Variants in MCU observed in about 807,000 individuals in gnomAD.
MCU encodes the protein calcium uniporter protein, mitochondrial.
A neutral mutation model predicts 45.2 loss-of-function variants in MCU; 12 were observed. That is an observed-to-expected ratio of 0.27 (90% CI 0.17 to 0.43). The LOEUF (loss-of-function observed/expected upper bound fraction) is 0.43. Ranked by LOEUF, MCU falls within the 20% of genes least tolerant of loss-of-function variation. The pLI, the probability that MCU is intolerant of heterozygous loss-of-function variation, is 1.00. For synonymous variants in MCU, 160 were observed against 165.1 expected, an observed-to-expected ratio of 0.97 and a Z score of 0.24; for missense variants, 324 against 436.7, an observed-to-expected ratio of 0.74 and a Z score of 2.30.
At chr10:72,705,740 C>T (rs1228206122) in intron 1 of MCU, among the ~76,000 whole-genome samples, 1 of 151,786 alleles carries the variant, frequency 6.6e-6, no homozygotes, top group African/African-American at 2.4e-5. Flanking sequence ...ATCATTTGAA[C>T]CCAGAGGTGA....
At chr10:72,801,353 CTT>C (rs200952818) in intron 1 of MCU, among the ~76,000 whole-genome samples, 87 of 100,356 alleles carry the variant, frequency 8.7e-4, no homozygotes, top group Admixed American at 1.6e-3. Flanking sequence ...ATAATGCTTT[CTT>C]TTTTTTTTTT....
intron 1 of MCU, among the ~76,000 whole-genome samples, chr10:72,811,727 T>C (rs1844546171): frequency 6.6e-6 from 1 of 152,236 alleles, no homozygotes; most frequent in Non-Finnish European, 1.5e-5. Context: ...TAAGTAATGA[T>C]AATGTTTTGA....
At chr10:72,875,671 A>G (rs1375125833) in intron 6 of MCU, among the ~76,000 whole-genome samples, 2 of 152,238 alleles carry the variant, frequency 1.3e-5, no homozygotes, top group Non-Finnish European at 2.9e-5. Flanking sequence ...CAGTCTAAAT[A>G]TATCCCAATA....
intron 1 of MCU, among the ~76,000 whole-genome samples, chr10:72,702,793 A>G (rs577722003): frequency 2.0e-5 from 3 of 152,144 alleles, no homozygotes; most frequent in East Asian, 3.8e-4. Context: ...CCTGGCCAAC[A>G]TGGTGAAACC....
At chr10:72,868,291 A>T (rs1029833387) in intron 4 of MCU, among the ~76,000 whole-genome samples, 3 of 152,118 alleles carry the variant, frequency 2.0e-5, no homozygotes, top group African/African-American at 4.8e-5. Flanking sequence ...GCTAATGCCT[A>T]TAATACCAGC....
intron 2 of MCU, among the ~76,000 whole-genome samples, chr10:72,841,989 G>C (rs866306262): frequency 6.6e-5 from 10 of 152,180 alleles, no homozygotes; most frequent in Non-Finnish European, 1.5e-4. Context: ...TCTAATTCAA[G>C]ACCTTATAGT....
chr10:72,692,345 C>T, intron 1 of MCU, 44 bp downstream of exon 1: 1 of 1,184,888 alleles, frequency 8.4e-7, no homozygotes. Context: ...CGGGGCGGCG[C>T]TGGCGTGTGG....
At chr10:72,839,188 C>T (rs528024779) in intron 2 of MCU, among the ~76,000 whole-genome samples, 4 of 152,048 alleles carry the variant, frequency 2.6e-5, no homozygotes, top group Admixed American at 6.6e-5. Flanking sequence ...GGGGGTTTCA[C>T]CATGTTGGCC....
intron 1 of MCU, among the ~76,000 whole-genome samples, chr10:72,827,895 C>T (rs1844821560): frequency 6.6e-6 from 1 of 152,094 alleles, no homozygotes; most frequent in Non-Finnish European, 1.5e-5. Context: ...TATCCAATGT[C>T]CAGGGTTTAA....
chr10:72,837,207 T>C (rs201160343), intron 2 of MCU, among the ~76,000 whole-genome samples: 1 of 151,980 alleles, frequency 6.6e-6, no homozygotes, highest in East Asian at 1.9e-4. Context: ...TTTTTTTTTT[T>C]GGTATCGTAA....
At chr10:72,700,678 G>C (rs907831682) in intron 1 of MCU, among the ~76,000 whole-genome samples, 2 of 152,094 alleles carry the variant, frequency 1.3e-5, no homozygotes, top group African/African-American at 4.8e-5. Context: ...GCATGCTAAA[G>C]GTGGAACTTT....
chr10:72,779,565 A>T (rs977173616), intron 1 of MCU, among the ~76,000 whole-genome samples: 11 of 152,178 alleles, frequency 7.2e-5, no homozygotes, highest in South Asian at 2.1e-4. Flanking sequence ...AATTTTTTTT[A>T]AAAAACCTCT....
chr10:72,834,521 A>C, intron 2 of MCU, 93 bp downstream of exon 2: 2 of 1,069,828 alleles, frequency 1.9e-6, no homozygotes, highest in African/African-American at 1.6e-5. Flanking sequence ...TATAAACCAT[A>C]CTCTTTCAGT....
At chr10:72,747,779 T>TGAGC (rs2132705404) in intron 1 of MCU, among the ~76,000 whole-genome samples, 1 of 152,180 alleles carries the variant, frequency 6.6e-6, no homozygotes, top group South Asian at 2.1e-4. Context: ...GCAGCTGCAG[T>TGAGC]GAGCCATGAT....
At chr10:72,704,505 T>A (rs1353148055) in intron 1 of MCU, among the ~76,000 whole-genome samples, 1 of 151,740 alleles carries the variant, frequency 6.6e-6, no homozygotes, top group Non-Finnish European at 1.5e-5. Context: ...TTGACCTGAT[T>A]TAAAATTTGT....
chr10:72,848,218 A>T (rs547393781), intron 2 of MCU, among the ~76,000 whole-genome samples: 2 of 152,342 alleles, frequency 1.3e-5, no homozygotes, highest in South Asian at 4.1e-4. Flanking sequence ...TAATCTCATC[A>T]TAAGTCAAGA....
chr10:72,807,551 G>T (rs756693985), intron 1 of MCU, among the ~76,000 whole-genome samples: 1 of 152,032 alleles, frequency 6.6e-6, no homozygotes, highest in Non-Finnish European at 1.5e-5. Context: ...TTAGCTCCCA[G>T]GTAACTCAAT....
intron 1 of MCU, among the ~76,000 whole-genome samples, chr10:72,780,411 A>G (rs1392581791): frequency 6.6e-6 from 1 of 152,080 alleles, no homozygotes; most frequent in Non-Finnish European, 1.5e-5. Flanking sequence ...TGGTATATAA[A>G]TTATATCTCA....
chr10:72,834,048 A>C (rs927125958), intron 1 of MCU, among the ~76,000 whole-genome samples: 1 of 152,228 alleles, frequency 6.6e-6, no homozygotes, highest in African/African-American at 2.4e-5. Context: ...ATCAATATTA[A>C]ATGTTTTTAA....
Sources: allele counts gnomAD v4.1 joint callset (sites outside exome capture counted in the v4.1 genomes callset), GRCh38; gene constraint gnomAD v4.1.1; transcripts MANE v1.5; gene names NCBI Gene and HGNC (gene_info 2026-07-23, HGNC 2026-07-21).